Variants in KATNAL2 observed in about 807,000 individuals in gnomAD.
The protein encoded by KATNAL2 is katanin catalytic subunit A1 like 2, also known as katanin p60 ATPase-containing subunit A-like 2.
KATNAL2 carries 52 observed loss-of-function variants against 76.3 expected under a neutral mutation model. That is an observed-to-expected ratio of 0.68 (90% CI 0.55 to 0.86). KATNAL2 has a LOEUF of 0.86. Ranked by LOEUF, KATNAL2 falls within the 40% of genes least tolerant of loss-of-function variation. KATNAL2 has a pLI of 0.00. For missense variants in KATNAL2, 660 were observed against 668.9 expected, an observed-to-expected ratio of 0.99 and a Z score of 0.15; for synonymous variants, 243 against 244.2, an observed-to-expected ratio of 1.00 and a Z score of 0.05.
At chr18:47,060,163 A>T (rs2061590215) in intron 8 of KATNAL2, among the ~76,000 whole-genome samples, 1 of 152,042 alleles carries the variant, frequency 6.6e-6, no homozygotes, top group East Asian at 1.9e-4. Context: ...CATCCAGCTA[A>T]TTTTTTTCAT....
chr18:46,937,203 C>T (rs1257216397), intron 1 of KATNAL2, among the ~76,000 whole-genome samples: 2 of 152,004 alleles, frequency 1.3e-5, no homozygotes, highest in African/African-American at 2.4e-5. Context: ...CTTCCTAAAT[C>T]GCATAACCCC....
chr18:47,087,748 A>C (rs906978639), intron 15 of KATNAL2, among the ~76,000 whole-genome samples: 71 of 119,540 alleles, frequency 5.9e-4, no homozygotes, highest in Non-Finnish European at 1.1e-3. Context: ...AAACTCTTTT[A>C]CATCTGTGTG....
chr18:47,034,154 C>T (rs1243059704), intron 3 of KATNAL2: 1 of 1,614,118 alleles, frequency 6.2e-7, no homozygotes, highest in African/African-American at 1.3e-5. Flanking sequence ...TCAGCCATAT[C>T]TACCTCCTCC....
chr18:47,072,569 C>T (rs1342364706), intron 13 of KATNAL2, among the ~76,000 whole-genome samples: 2 of 152,174 alleles, frequency 1.3e-5, no homozygotes, highest in Admixed American at 6.5e-5. Flanking sequence ...CCTCAGCCTC[C>T]CCAGTAGCTG....
chr18:47,068,343 A>C (rs796999893), intron 11 of KATNAL2, among the ~76,000 whole-genome samples: 4 of 152,326 alleles, frequency 2.6e-5, no homozygotes, highest in African/African-American at 9.6e-5. Flanking sequence ...AAGGAGACAA[A>C]AATCAATACA....
Position 47,101,461 on chromosome 18 carries a change from A to G in KATNAL2, c.*456A>G, listed in dbSNP as rs2063437535. On this transcript the variant is annotated 3_prime_UTR_variant, in exon 18 of 18. Coordinates refer to ENST00000683218, the MANE Select transcript of KATNAL2 (RefSeq NM_001387690.1). ...AGGGTGAAGGAGGACGGAAGCAGGG[A>G]AGGCAATGCAGTCTGTTTCTCATTC... 1 of 166,264 alleles carries G rather than the reference A, an allele frequency of 6.0e-6. No individual in the cohort carries two copies. The highest frequency in any genetic ancestry group is 5.7e-5 in the Admixed American group (1 of 17,562). The allele number at this position is 166,264 out of a possible 1,614,324, so 10.3% of individuals were successfully genotyped here. A position where few individuals can be genotyped will look rare whatever the true frequency, so the allele number is the denominator to read the frequency against.
At chr18:46,946,734 C>A in intron 2 of KATNAL2, 120 bp from the exon 3 acceptor site, 1 of 1,121,144 alleles carries the variant, frequency 8.9e-7, no homozygotes, top group Non-Finnish European at 1.3e-6. Context: ...CTTCTGTGGC[C>A]AGCGATTGGC....
intron 3 of KATNAL2, among the ~76,000 whole-genome samples, chr18:46,954,618 C>T (rs911240263): frequency 1.3e-5 from 2 of 151,488 alleles, no homozygotes; most frequent in Admixed American, 6.6e-5. Flanking sequence ...TGTGAGCCCC[C>T]GCGCCTGGCA....
At chr18:46,924,069 CTTTAG>C (rs1191985272) in intron 1 of KATNAL2, among the ~76,000 whole-genome samples, 1 of 152,166 alleles carries the variant, frequency 6.6e-6, no homozygotes, top group Non-Finnish European at 1.5e-5. Flanking sequence ...TGCAGAAGCT[CTTTAG>C]TTTAATTAGA....
chr18:47,040,709 G>A (rs2060933331), intron 3 of KATNAL2, among the ~76,000 whole-genome samples: 1 of 152,124 alleles, frequency 6.6e-6, no homozygotes, highest in Non-Finnish European at 1.5e-5. Flanking sequence ...TGAGGTGGGA[G>A]GATCACTTCA....
intron 3 of KATNAL2, chr18:47,035,466 T>C: frequency 1.8e-6 from 2 of 1,125,924 alleles, no homozygotes; most frequent in Non-Finnish European, 1.2e-6. Flanking sequence ...TGCAGACAGC[T>C]GAGCAGGCCC....
At chr18:46,929,680 C>T (rs190769762) in intron 1 of KATNAL2, among the ~76,000 whole-genome samples, 349 of 152,144 alleles carry the variant, frequency 2.3e-3, no homozygotes, top group East Asian at 8.5e-3. Flanking sequence ...CTTTCTTATA[C>T]GGGGCATTTT....
rs34256789 is a variant in KATNAL2, at chr18:46,965,985, A to AGTGTGTGT, written c.51+19103_51+19110dup. Among the ~76,000 whole-genome samples the AGTGTGTGT allele has an allele frequency of 6.0e-4, 71 of 118,938 alleles. 1 individual carries two copies. The highest frequency in any genetic ancestry group is 1.9e-3 in the East Asian group (8 of 4,214). 78.0% of individuals were successfully genotyped at this position (118,938 alleles called of 152,430 possible). On this transcript the variant is annotated intron_variant, in intron 3 of 17. Transcript: ENST00000683218. The stretch of plus-strand genomic sequence containing the variant: ...ACATGACTTTCTCTCTCTCTCTCTC[A>AGTGTGTGT]GTGTGTGTGTGTGTGTGTGTGTGTG...
intron 1 of KATNAL2, among the ~76,000 whole-genome samples, chr18:46,919,005 A>ATGTGTG (rs778074259): frequency 4.2e-4 from 62 of 147,180 alleles, no homozygotes; most frequent in Non-Finnish European, 7.7e-4. Context: ...GTATATATAT[A>ATGTGTG]TATGTGTGTG....
intron 8 of KATNAL2, among the ~76,000 whole-genome samples, chr18:47,062,010 A>G (rs1317081422): frequency 6.6e-6 from 1 of 152,072 alleles, no homozygotes; most frequent in African/African-American, 2.4e-5. Context: ...CCCTGGGCAA[A>G]TTACTTAACC....
chr18:47,084,857 A>AAAAAAAG (rs1251571140), intron 15 of KATNAL2, among the ~76,000 whole-genome samples: 4 of 146,076 alleles, frequency 2.7e-5, no homozygotes, highest in Non-Finnish European at 6.0e-5. Flanking sequence ...TAAAAAAAAA[A>AAAAAAAG]AAAAAAAAAA....
chr18:46,960,655 C>T (rs1047397124), intron 3 of KATNAL2, among the ~76,000 whole-genome samples: 4 of 152,132 alleles, frequency 2.6e-5, no homozygotes, highest in African/African-American at 9.7e-5. Context: ...TGCATTATGA[C>T]TGACTTAAGT....
intron 1 of KATNAL2, among the ~76,000 whole-genome samples, chr18:46,939,844 A>G (rs1383302266): frequency 6.6e-6 from 1 of 152,170 alleles, no homozygotes; most frequent in Admixed American, 6.5e-5. Context: ...TTGTTGCTCA[A>G]TGTTTCCTTG....
intron 15 of KATNAL2, among the ~76,000 whole-genome samples, chr18:47,093,996 G>A (rs1197551352): frequency 2.0e-5 from 3 of 152,178 alleles, no homozygotes; most frequent in African/African-American, 7.2e-5. Context: ...AAATTCATGT[G>A]TTAGAAACTT....
Sources: allele counts gnomAD v4.1 joint callset (sites outside exome capture counted in the v4.1 genomes callset), GRCh38; gene constraint gnomAD v4.1.1; transcripts MANE v1.5; gene names NCBI Gene and HGNC (gene_info 2026-07-23, HGNC 2026-07-21).